The following DIAPH1 variants were observed in gnomAD, a reference collection of about 807,000 sequenced individuals.
DIAPH1 encodes diaphanous related formin 1, also known as protein diaphanous homolog 1.
Under a neutral mutation model 140.7 loss-of-function variants are expected in DIAPH1, and 46 were observed. The ratio of observed to expected loss-of-function variants is 0.33; its 90% CI spans 0.26 to 0.42. The LOEUF (loss-of-function observed/expected upper bound fraction) is 0.42, where lower values mean the gene tolerates loss of function less well. Among genes scored for constraint, DIAPH1 ranks in the 10% least tolerant of loss-of-function variants. The pLI, the probability that DIAPH1 is intolerant of heterozygous loss-of-function variation, is 1.00. For synonymous variants in DIAPH1, 565 were observed against 551.6 expected, an observed-to-expected ratio of 1.02 and a Z score of -0.34; for missense variants, 1,310 against 1,558.7, an observed-to-expected ratio of 0.84 and a Z score of 2.69.
At chr5:141,559,727 G>A (rs112460361) in intron 18 of DIAPH1, among the ~76,000 whole-genome samples, 6 of 152,258 alleles carry the variant, frequency 3.9e-5, no homozygotes, top group African/African-American at 1.4e-4. Flanking sequence ...GGTGGGGAAG[G>A]ACTGGAAGGA....
At chr5:141,580,641 G>T in intron 8 of DIAPH1, 103 bp downstream of exon 8, 1 of 1,149,638 alleles carries the variant, frequency 8.7e-7, no homozygotes, top group East Asian at 2.4e-5. Flanking sequence ...ATCTTACCTA[G>T]TATTTATGAC....
chr5:141,525,970 T>C, intron 26 of DIAPH1, 68 bp downstream of exon 26: 6 of 1,603,664 alleles, frequency 3.7e-6, no homozygotes, highest in Non-Finnish European at 5.1e-6. Flanking sequence ...ACTCTGCCTC[T>C]AGACTCTAGG....
intron 19 of DIAPH1, among the ~76,000 whole-genome samples, chr5:141,530,344 C>T (rs931545333): frequency 6.6e-6 from 1 of 152,174 alleles, no homozygotes; most frequent in African/African-American, 2.4e-5. Context: ...TTAGGAGCCT[C>T]TAAACCATCA....
chr5:141,516,852 T>A lies in DIAPH1; in HGVS notation c.3818A>T (p.Ter1273LeuextTer39), dbSNP rs753432442. The change falls in exon 28 of 28, where the codon TAA (stop) becomes TTA (leucine). Residue 1273 changes from the stop codon to leucine, a stop_lost. Coordinates refer to ENST00000389054, the MANE Select transcript of DIAPH1 (RefSeq NM_005219.5). ...EAKELVGRAS[*>L] ...GCTGCCGCGGTCACAGGACCCACATTAGCTTGCACGGCCAACCAACTCCTT... is the reference window on the plus strand; with the variant it reads ...GCTGCCGCGGTCACAGGACCCACATAAGCTTGCACGGCCAACCAACTCCTT... 12 of 1,614,076 alleles carry A rather than the reference T, an allele frequency of 7.4e-6. No homozygotes were observed. The highest frequency in any genetic ancestry group is 1.0e-5 in the Non-Finnish European group (12 of 1,180,022).
In DIAPH1 at chr5:141,528,955, CA is replaced by C; in HGVS notation, c.2779-15del. On this transcript the variant is annotated splice_polypyrimidine_tract_variant and intron_variant, in intron 21 of 27. Coordinates refer to ENST00000389054, the MANE Select transcript of DIAPH1 (RefSeq NM_005219.5). Reference sequence around the variant, plus strand: ...CACAGTGCCCATCTAGTAAAGAACACAAGCAGTTCCATTACAGTCAAAAGAG... The same window carrying C: ...CACAGTGCCCATCTAGTAAAGAACACAGCAGTTCCATTACAGTCAAAAGAG... 3 of 1,613,688 alleles carry C rather than the reference CA, an allele frequency of 1.9e-6. No individual in the cohort carries two copies. Among genetic ancestry groups the C allele is most frequent in the Non-Finnish European group, 2.5e-6 (3 of 1,180,038 alleles).
intron 1 of DIAPH1, among the ~76,000 whole-genome samples, chr5:141,601,191 C>T (rs191993759): frequency 5.0e-4 from 74 of 148,216 alleles, no homozygotes; most frequent in Non-Finnish European, 8.9e-4. Flanking sequence ...CAAACCTGCA[C>T]GTTGTACACA....
chr5:141,587,108 A>G lies in DIAPH1; in HGVS notation c.234T>C (p.Asp78=). 1 of 1,614,158 alleles carries G rather than the reference A, an allele frequency of 6.2e-7. No homozygotes were observed. The highest frequency in any genetic ancestry group is 8.5e-7 in the Non-Finnish European group (1 of 1,180,008). The change falls in exon 3 of 28, where the codon GAT becomes GAC. Residue 78 remains aspartate, a synonymous_variant. Transcript: ENST00000389054. ...CATCTTGCAATGACTGTGCTGTGGG[A>G]TCATCCCCATATGATGCAGAAGAAT... The part of the protein sequence containing the change: ...HRNSSASYGD[D]PTAQSLQDVS...
rs115246497 is a variant in DIAPH1 at position 141,555,005 on chromosome 5, C to T, written c.2482+16423G>A. Among the ~76,000 whole-genome samples, 960 of 152,226 alleles carry T rather than the reference C, an allele frequency of 6.3e-3. 11 individuals are homozygous for T. The highest frequency in any genetic ancestry group is 0.037 in the Middle Eastern group (11 of 294). On this transcript the variant is annotated intron_variant, in intron 18 of 27. Coordinates refer to ENST00000389054, the MANE Select transcript of DIAPH1 (RefSeq NM_005219.5). ...TGGAAGGGGGGTACATAACAAAGGGCATCTTGGTCTCAGACCCTGATTACA... is the reference window on the plus strand; with the variant it reads ...TGGAAGGGGGGTACATAACAAAGGGTATCTTGGTCTCAGACCCTGATTACA...
intron 1 of DIAPH1, among the ~76,000 whole-genome samples, chr5:141,594,333 C>G (rs1371074771): frequency 1.3e-5 from 2 of 152,162 alleles, no homozygotes; most frequent in Non-Finnish European, 2.9e-5. Context: ...ACAAAGACAT[C>G]CTTTAGTAGG....
intron 27 of DIAPH1, among the ~76,000 whole-genome samples, chr5:141,519,953 G>A (rs1037450411): frequency 6.6e-6 from 1 of 152,226 alleles, no homozygotes; most frequent in Non-Finnish European, 1.5e-5. Flanking sequence ...GAACAATGTT[G>A]AGATACTGGT....
chr5:141,590,741 TA>T (rs11387857), intron 1 of DIAPH1, among the ~76,000 whole-genome samples: 1,666 of 143,200 alleles, frequency 0.012, 27 homozygotes, highest in African/African-American at 0.034. Flanking sequence ...AGCTTAAGTT[TA>T]AAAAAAAAAA....
At chr5:141,577,357 C>A in intron 12 of DIAPH1, 118 bp downstream of exon 12, 1 of 810,292 alleles carries the variant, frequency 1.2e-6, no homozygotes, top group South Asian at 1.3e-5. Context: ...ACTAATGAAC[C>A]CTAATCTTGG....
intron 27 of DIAPH1, chr5:141,518,628 T>C: frequency 6.4e-6 from 2 of 310,404 alleles, no homozygotes; most frequent in South Asian, 4.5e-5. Flanking sequence ...GCTCAAGTGA[T>C]CCACCCACCT....
chr5:141,534,280 A>C (rs1247087659), intron 19 of DIAPH1, 55 bp downstream of exon 19: 2 of 1,405,674 alleles, frequency 1.4e-6, no homozygotes, highest in African/African-American at 1.4e-5. Flanking sequence ...GAGAATTAAA[A>C]ATTCTTAAAA....
At position 141,516,255 on chromosome 5, in the gene DIAPH1, G is replaced by C. The variant is rs2099885666; in HGVS notation, c.*596C>G. 5.9e-6 allele frequency: 1 copy of C among 169,434 alleles called. No homozygotes were observed. The highest frequency in any genetic ancestry group is 1.3e-5 in the Non-Finnish European group (1 of 77,048). The allele number at this position is 169,434 out of a possible 1,614,324, so 10.5% of individuals were successfully genotyped here. On this transcript the variant is annotated 3_prime_UTR_variant, in exon 28 of 28. Coordinates refer to ENST00000389054, the MANE Select transcript of DIAPH1 (RefSeq NM_005219.5). ...AAACTGGTCCAGATCCTTTGCTTTG[G>C]AGGCCTTTCCCAGGAAGGTGGGGTA...
intron 8 of DIAPH1, 147 bp from the exon 9 acceptor site, chr5:141,579,343 C>G (rs1451509989): frequency 5.1e-6 from 4 of 779,256 alleles, no homozygotes; most frequent in Non-Finnish European, 9.4e-6. Context: ...TCTCACCACT[C>G]AGTTTCCAGA....
chr5:141,534,462 A>C (rs1181712680), intron 18 of DIAPH1, 29 bp from the exon 19 acceptor site: 1 of 1,592,718 alleles, frequency 6.3e-7, no homozygotes, highest in Non-Finnish European at 8.6e-7. Flanking sequence ...GAAAAGCATG[A>C]TTAAAAGTAA....
chr5:141,516,917 G>C lies in DIAPH1; in HGVS notation c.3753C>G (p.Ser1251=). 1.2e-6 allele frequency: 2 copies of C among 1,614,224 alleles called. No individual in the cohort carries two copies. The highest frequency in any genetic ancestry group is 1.7e-6 in the Non-Finnish European group (2 of 1,180,038). Reference sequence around the variant, plus strand: ...TTGTGGGGAATGTCTCACTGTTCTTGGACACCTTGGCAGGAACAGCAGCCA... The same window carrying C: ...TTGTGGGGAATGTCTCACTGTTCTTCGACACCTTGGCAGGAACAGCAGCCA... The part of the protein sequence containing the change: ...DAMAAVPAKV[S]KNSETFPTIL... The change falls in exon 28 of 28, where the codon TCC becomes TCG. Residue 1251 remains serine (S), a synonymous_variant. Coordinates refer to ENST00000389054, the MANE Select transcript of DIAPH1 (RefSeq NM_005219.5).
At chr5:141,540,411 T>C (rs1309097161) in intron 18 of DIAPH1, among the ~76,000 whole-genome samples, 7 of 152,040 alleles carry the variant, frequency 4.6e-5, no homozygotes, top group Non-Finnish European at 7.4e-5. Context: ...GCCTCCCAAG[T>C]AGCTGGGACT....
Sources: gnomAD v4.1 joint callset for allele counts (sites outside exome capture counted in the v4.1 genomes callset) on GRCh38, gnomAD v4.1.1 for gene constraint, MANE v1.5 for transcripts, NCBI Gene and HGNC (gene_info 2026-07-23, HGNC 2026-07-21) for gene names.